RGL1: variants seen among roughly 807,000 people sequenced by gnomAD.
RGL1 encodes the protein ral guanine nucleotide dissociation stimulator-like 1.
Under a neutral mutation model 95.2 loss-of-function variants are expected in RGL1, and 24 were observed. The observed-to-expected ratio is 0.25, with a 90% CI of 0.18 to 0.35. RGL1 has a LOEUF of 0.35. Among genes scored for constraint, RGL1 ranks in the 10% least tolerant of loss-of-function variants. The pLI is 1.00. For synonymous variants in RGL1, 329 were observed against 344.9 expected, an observed-to-expected ratio of 0.95 and a Z score of 0.51; for missense variants, 715 against 936.3, an observed-to-expected ratio of 0.76 and a Z score of 3.08.
chr1:183,705,680 G>A (rs183649185), intron 1 of RGL1, among the ~76,000 whole-genome samples: 2 of 152,212 alleles, frequency 1.3e-5, no homozygotes, highest in African/African-American at 4.8e-5. Context: ...AAAACAGGTG[G>A]TGTTGGAGGG....
intron 2 of RGL1, among the ~76,000 whole-genome samples, chr1:183,810,072 G>C (rs1268380829): frequency 6.6e-6 from 1 of 152,212 alleles, no homozygotes; most frequent in Non-Finnish European, 1.5e-5. Context: ...TATATGGACA[G>C]TGAATAATAT....
At chr1:183,663,297 T>C (rs1485712507) in intron 1 of RGL1, among the ~76,000 whole-genome samples, 1 of 150,998 alleles carries the variant, frequency 6.6e-6, no homozygotes, top group Non-Finnish European at 1.5e-5. Flanking sequence ...GGGAGAAAAT[T>C]TTCGCAACCT....
At chr1:183,727,487 A>T (rs138265086) in intron 1 of RGL1, among the ~76,000 whole-genome samples, 28 of 152,224 alleles carry the variant, frequency 1.8e-4, no homozygotes, top group Non-Finnish European at 2.5e-4. Context: ...TGTTTTTTTT[A>T]AAAAACCTGT....
intron 3 of RGL1, among the ~76,000 whole-genome samples, chr1:183,850,555 G>A (rs1664771600): frequency 6.6e-6 from 1 of 152,162 alleles, no homozygotes; most frequent in Admixed American, 6.5e-5. Flanking sequence ...CTCACAAAAT[G>A]TCTGTTCTTT....
At position 183,885,282 on chromosome 1, in the gene RGL1, T is replaced by C. The variant is rs1323989308; in HGVS notation, c.951+344T>C. On this transcript the variant is annotated intron_variant, in intron 7 of 17. Transcript: ENST00000360851. The stretch of plus-strand genomic sequence containing the variant: ...GTTTCAGCACCATGTTCAGTAAATA[T>C]AAATGTATGGTCTGCATGTCAAAAC... Among the ~76,000 whole-genome samples, 6 of 152,226 alleles carry C rather than the reference T, an allele frequency of 3.9e-5. No homozygotes were observed. In the East Asian group the frequency reaches 1.2e-3, roughly 29 times the overall value.
Position 183,773,862 on chromosome 1 carries a change from C to T in RGL1, c.132+31573C>T, listed in dbSNP as rs554564900. On this transcript the variant is annotated intron_variant, in intron 2 of 18. Coordinates refer to the RGL1 transcript ENST00000304685. Reference sequence around the variant, plus strand: ...AATAAAAAAATGGCAAACAAAGAGACTTGAAACATTGTGATGGAAGAATCA... The same window carrying T: ...AATAAAAAAATGGCAAACAAAGAGATTTGAAACATTGTGATGGAAGAATCA... Among the ~76,000 whole-genome samples, 65 of 151,672 alleles carry T rather than the reference C, an allele frequency of 4.3e-4. 1 individual carries two copies. In the South Asian group the frequency reaches 5.4e-3, roughly 13 times the overall value.
chr1:183,764,717 C>G (rs1658877080), intron 2 of RGL1, among the ~76,000 whole-genome samples: 3 of 152,102 alleles, frequency 2.0e-5, no homozygotes, highest in Admixed American at 2.0e-4. Context: ...AGCTCCATAC[C>G]ATGGGTAACC....
chr1:183,826,675 A>G lies in RGL1; in HGVS notation c.138+20190A>G, dbSNP rs192940429. 5.3e-4 allele frequency among the ~76,000 whole-genome samples: 80 copies of G among 152,350 alleles called. 1 individual carries two copies. Among genetic ancestry groups the G allele is most frequent in the African/African-American group, 1.9e-3 (80 of 41,588 alleles). On this transcript the variant is annotated intron_variant, in intron 2 of 17. Transcript: ENST00000360851. ...TATGTCAGTTTCTCTAGGGGAAGAT[A>G]CTACAGTTCATTGTAGCACTGATGG...
intron 7 of RGL1, among the ~76,000 whole-genome samples, chr1:183,886,057 C>T (rs1667091982): frequency 6.6e-6 from 1 of 151,646 alleles, no homozygotes; most frequent in Admixed American, 6.6e-5. Context: ...TATGGGTAAA[C>T]TCTCAACCAA....
intron 1 of RGL1, among the ~76,000 whole-genome samples, chr1:183,662,327 A>C (rs1398446884): frequency 2.0e-5 from 3 of 151,642 alleles, no homozygotes; most frequent in Admixed American, 1.3e-4. Context: ...GTCTCAGCCC[A>C]AAATCTCCTT....
At position 183,672,605 on chromosome 1, in the gene RGL1, C is replaced by T. The variant is rs369613583; in HGVS notation, c.-33+36104C>T. Among the ~76,000 whole-genome samples the T allele has an allele frequency of 1.6e-4, 24 of 152,278 alleles. No individual in the cohort carries two copies. The South Asian group carries it at 3.1e-3, about 20-fold the overall frequency. ...TACAGGTCTTTAATCTGCTATTTAA[C>T]CTACTTAAGGGGTTTTAAAAATCCA... On this transcript the variant is annotated intron_variant, in intron 1 of 18. Transcript: ENST00000304685.
At chr1:183,814,256 G>GA (rs1354587832) in intron 2 of RGL1, among the ~76,000 whole-genome samples, 2 of 152,094 alleles carry the variant, frequency 1.3e-5, no homozygotes, top group Non-Finnish European at 2.9e-5. Context: ...TGTCATTGTA[G>GA]AAATACCTGT....
chr1:183,840,853 C>T (rs1381431100), intron 2 of RGL1, among the ~76,000 whole-genome samples: 1 of 152,148 alleles, frequency 6.6e-6, no homozygotes, highest in South Asian at 2.1e-4. Flanking sequence ...GATTGCACCA[C>T]TGTACTGCGG....
At chr1:183,775,316 T>C (rs900248120) in intron 2 of RGL1, among the ~76,000 whole-genome samples, 4 of 152,258 alleles carry the variant, frequency 2.6e-5, no homozygotes, top group Admixed American at 2.6e-4. Context: ...CTATGGTGTA[T>C]ATCACCACTT....
intron 1 of RGL1, among the ~76,000 whole-genome samples, chr1:183,693,689 T>G (rs1654093748): frequency 6.6e-6 from 1 of 151,894 alleles, no homozygotes; most frequent in African/African-American, 2.4e-5. Context: ...TGAGCCAGAA[T>G]AAAACCAAAA....
At chr1:183,711,686 A>C (rs1380015387) in intron 1 of RGL1, among the ~76,000 whole-genome samples, 1 of 152,126 alleles carries the variant, frequency 6.6e-6, no homozygotes, top group African/African-American at 2.4e-5. Flanking sequence ...CATTCAATTG[A>C]ACCTGTGAGT....
At chr1:183,869,759 AG>A (rs1244248707) in intron 4 of RGL1, among the ~76,000 whole-genome samples, 7 of 152,034 alleles carry the variant, frequency 4.6e-5, no homozygotes, top group Non-Finnish European at 1.0e-4. Flanking sequence ...TCTTTGTGAG[AG>A]GAAATCAGGG....
chr1:183,704,789 T>C (rs913571954), intron 1 of RGL1, among the ~76,000 whole-genome samples: 2 of 152,182 alleles, frequency 1.3e-5, no homozygotes, highest in African/African-American at 4.8e-5. Flanking sequence ...AGCATGTCTT[T>C]GATGTTATGG....
chr1:183,805,971 C>CTTTTTTTTTTTTTTTTTTTTTTTTT lies in RGL1; in HGVS notation c.28-388_28-364dup, dbSNP rs751229707. 2.7e-4 allele frequency among the ~76,000 whole-genome samples: 20 copies of CTTTTTTTTTTTTTTTTTTTTTTTTT among 74,644 alleles called. 1 individual carries two copies. Among genetic ancestry groups the CTTTTTTTTTTTTTTTTTTTTTTTTT allele is most frequent in the Admixed American group, 6.3e-4 (4 of 6,398 alleles). 49.0% of individuals were successfully genotyped at this position (74,644 alleles called of 152,430 possible). A position where few individuals can be genotyped will look rare whatever the true frequency, so the allele number is the denominator to read the frequency against. ...TTTCTTTTTCTTTTTCTTTTCTTTT[C>CTTTTTTTTTTTTTTTTTTTTTTTTT]TTTTTTTTTTTTTTTTTTTTTTTTT... On this transcript the variant is annotated intron_variant, in intron 1 of 17. Transcript: ENST00000360851.
Sources: allele counts gnomAD v4.1 joint callset (sites outside exome capture counted in the v4.1 genomes callset), GRCh38; gene constraint gnomAD v4.1.1; transcripts MANE v1.5; gene names NCBI Gene and HGNC (gene_info 2026-07-23, HGNC 2026-07-21).